PFKL: variants seen among roughly 807,000 people sequenced by gnomAD.
The protein encoded by PFKL is ATP-dependent 6-phosphofructokinase, liver type.
A neutral mutation model predicts 92.1 loss-of-function variants in PFKL; 74 were observed. That is an observed-to-expected ratio of 0.80 (90% confidence interval 0.67 to 0.97). The LOEUF (loss-of-function observed/expected upper bound fraction) is 0.97, where lower values mean the gene tolerates loss of function less well. Among genes scored for constraint, PFKL ranks in the 50% least tolerant of loss-of-function variants. PFKL has a pLI of 0.00. For synonymous variants in PFKL, 494 were observed against 456.4 expected (o/e 1.08, Z -1.05); for missense variants, 1,028 against 1,116.6 (o/e 0.92, Z 1.13).
chr21:44,300,176 G>A lies in PFKL; in HGVS notation c.71G>A (p.Gly24Asp). The change falls in exon 1 of 22, where the codon GGC becomes GAC. Residue 24 changes from glycine to aspartate, a missense_variant. Physicochemically the swap from Gly to Asp is moderately conservative, Grantham distance 94. Coordinates refer to ENST00000349048, the MANE Select transcript of PFKL (RefSeq NM_002626.6). ...AGKAIGVLTS[G>D]GDAQGMNAAV... ...AAGGCCATCGGCGTCCTGACCAGCG[G>A]CGGCGACGCGCAAGGTGGGCGGGGG... The A allele has an allele frequency of 6.1e-6, 7 of 1,154,860 alleles. No homozygotes were observed. Among genetic ancestry groups the A allele is most frequent in the Non-Finnish European group, 7.5e-6 (7 of 929,682 alleles). The allele number at this position is 1,154,860 out of a possible 1,614,324, so 71.5% of individuals were successfully genotyped here.
Position 44,316,501 on chromosome 21 carries a change from C to T in PFKL, c.913C>T (p.Pro305Ser). 1 of 1,603,452 alleles carries T rather than the reference C, an allele frequency of 6.2e-7. No individual in the cohort carries two copies. The highest frequency in any genetic ancestry group is 1.3e-5 in the African/African-American group (1 of 74,888). The change falls in exon 9 of 22, where the codon CCC becomes TCC. Residue 305 changes from proline (P) to serine (S), a missense_variant. Coordinates refer to ENST00000349048, the MANE Select transcript of PFKL (RefSeq NM_002626.6). ...VLGHVQRGGT[P>S]SAFDRILSSK... is the part of the protein sequence containing the mutation. ...GGGCCACGTGCAGCGGGGAGGGACGCCCTCTGCCTTCGACCGGATCCTGGT... is the reference window on the plus strand; with the variant it reads ...GGGCCACGTGCAGCGGGGAGGGACGTCCTCTGCCTTCGACCGGATCCTGGT...
At chr21:44,301,107 AC>A (rs896504757) in intron 1 of PFKL, among the ~76,000 whole-genome samples, 3 of 151,874 alleles carry the variant, frequency 2.0e-5, no homozygotes, top group Admixed American at 2.0e-4. Flanking sequence ...GCGGACACAC[AC>A]CCCCACCCAG....
chr21:44,308,425 G>A (rs1383864765), intron 2 of PFKL, among the ~76,000 whole-genome samples: 5 of 152,174 alleles, frequency 3.3e-5, no homozygotes, highest in Non-Finnish European at 4.4e-5. Context: ...ATCCACTTGC[G>A]AAAAGCGGAT....
At chr21:44,321,705 G>A (rs764790562) in intron 12 of PFKL, 24 bp from the exon 13 acceptor site, 15 of 1,521,908 alleles carry the variant, frequency 9.9e-6, no homozygotes, top group East Asian at 4.7e-5. Flanking sequence ...TGTGCCTCAC[G>A]CTCATCTCCC....
At chr21:44,320,016 C>T (rs1004359711) in intron 11 of PFKL, 68 bp from the exon 12 acceptor site, 17 of 1,443,912 alleles carry the variant, frequency 1.2e-5, no homozygotes, top group Middle Eastern at 1.8e-4. Flanking sequence ...GGCTCTGTCA[C>T]GGCTGCGCTG....
intron 5 of PFKL, 39 bp from the exon 6 acceptor site, chr21:44,313,599 T>C: frequency 6.3e-7 from 1 of 1,595,348 alleles, no homozygotes; most frequent in Admixed American, 1.7e-5. Flanking sequence ...CAGGGCCGTG[T>C]GGCTGGCACT....
intron 14 of PFKL, 76 bp from the exon 15 acceptor site, chr21:44,322,886 C>T (rs1196830569): frequency 1.1e-5 from 12 of 1,091,722 alleles, no homozygotes; most frequent in Middle Eastern, 5.9e-4. Flanking sequence ...AAGGCAATGC[C>T]TTTCTGTGAT....
At chr21:44,306,837 C>A in intron 2 of PFKL, 83 bp downstream of exon 2, 1 of 1,243,982 alleles carries the variant, frequency 8.0e-7, no homozygotes, top group Non-Finnish European at 1.2e-6. Flanking sequence ...GTGGGTCACA[C>A]TGGGAGACGG....
At chr21:44,324,040 G>A (rs2047429826) in intron 16 of PFKL, 122 bp downstream of exon 16, 1 of 1,163,032 alleles carries the variant, frequency 8.6e-7, no homozygotes, top group Admixed American at 2.0e-5. Context: ...CAGGGTTGGG[G>A]TTTGTGGGGC....
chr21:44,318,701 G>A (rs2145993457), intron 10 of PFKL, 106 bp downstream of exon 10: 2 of 1,070,678 alleles, frequency 1.9e-6, no homozygotes, highest in South Asian at 5.4e-5. Context: ...GCACCGGAGG[G>A]CAGGGCCTCG....
At position 44,307,336 on chromosome 21, in the gene PFKL, C is replaced by T. The variant is rs1423009526; in HGVS notation, c.159+582C>T. The T allele has an allele frequency of 4.1e-6, 4 of 984,028 alleles. No individual in the cohort carries two copies. In the Admixed American group the frequency reaches 1.8e-4, roughly 45 times the overall value. 61.0% of individuals were successfully genotyped at this position (984,028 alleles called of 1,614,324 possible). On this transcript the variant is annotated intron_variant, in intron 2 of 21. Transcript: ENST00000349048. ...GCTCGCCCTCCGTCCTGGGTATTTA[C>T]ACACCCACACTTGCGCTCACACATG...
Position 44,323,042 on chromosome 21 carries a change from G to T in PFKL, c.1490G>T (p.Gly497Val), listed in dbSNP as rs1274827905. 1.2e-5 allele frequency: 20 copies of T among 1,612,766 alleles called. No individual in the cohort carries two copies. Among genetic ancestry groups the T allele is most frequent in the Non-Finnish European group, 1.6e-5 (19 of 1,179,442 alleles). ...ATTCACGCCCTGCTGGTGGTCGGTG[G>T]GTTTGAGGTGAGAGCTGCCCACGGA... ...YGIHALLVVG[G>V]FEAYEGVLQL... Residue 497 changes from glycine (G) to valine (V), a missense_variant, in exon 15 of 22, where the codon GGG (glycine) becomes GTG (valine). Physicochemically the swap from Gly to Val is moderately radical, Grantham distance 109. Coordinates refer to ENST00000349048, the MANE Select transcript of PFKL (RefSeq NM_002626.6).
intron 1 of PFKL, chr21:44,305,556 G>A (rs2040910409): frequency 3.5e-6 from 3 of 856,166 alleles, no homozygotes; most frequent in Non-Finnish European, 3.3e-6. Context: ...GGCAGGAAGA[G>A]CAGGGCTGGT....
Position 44,318,571 on chromosome 21 carries a change from G to T in PFKL, c.1038G>T (p.Leu346=). ...TCTCGGGGAACCAGTCAGTGCGGCTGCCCCTCATGGAGTGCGTGCAGATGG... is the reference window on the plus strand; with the variant it reads ...TCTCGGGGAACCAGTCAGTGCGGCTTCCCCTCATGGAGTGCGTGCAGATGG... ...VTLSGNQSVR[L]PLMECVQMTK... Residue 346 remains leucine (L), a synonymous_variant, in exon 10 of 22, where the codon CTG becomes CTT. Coordinates refer to ENST00000349048, the MANE Select transcript of PFKL (RefSeq NM_002626.6). The T allele has an allele frequency of 6.5e-7, 1 of 1,547,952 alleles. No homozygotes were observed. Among genetic ancestry groups the T allele is most frequent in the Non-Finnish European group, 8.8e-7 (1 of 1,138,572 alleles).
At chr21:44,323,712 G>A in intron 15 of PFKL, 54 bp from the exon 16 acceptor site, 5 of 1,562,250 alleles carry the variant, frequency 3.2e-6, no homozygotes, top group Non-Finnish European at 4.3e-6. Flanking sequence ...GCCTGTCCCC[G>A]GCCCACCCTG....
At position 44,313,622 on chromosome 21, in the gene PFKL, T is replaced by C. The variant is rs2146464725; in HGVS notation, c.594-16T>C. 3 of 1,609,882 alleles carry C rather than the reference T, an allele frequency of 1.9e-6. No individual in the cohort carries two copies. The highest frequency in any genetic ancestry group is 2.5e-6 in the Non-Finnish European group (3 of 1,178,720). ...TGTGGCTGGCACTGATGCATCCTCC[T>C]GTTCCATCTCCACAGCCACCAGAGG... On this transcript the variant is annotated splice_polypyrimidine_tract_variant and intron_variant, in intron 5 of 21. Transcript: ENST00000349048.
rs532014773 is a variant in PFKL at position 44,326,879 on chromosome 21, G to A, written c.*17G>A. 8.0e-5 allele frequency: 128 copies of A among 1,593,964 alleles called. 2 individuals are homozygous for A. In the Admixed American group the frequency reaches 8.2e-4, roughly 10 times the overall value. On this transcript the variant is annotated 3_prime_UTR_variant, in exon 22 of 22. Transcript: ENST00000349048. ...GGCTTCTGAGGCCAGCCATGCCCACGCCCCTCCCCAGCCCCCACCCATGCC... is the reference window on the plus strand; with the variant it reads ...GGCTTCTGAGGCCAGCCATGCCCACACCCCTCCCCAGCCCCCACCCATGCC...
intron 16 of PFKL, 63 bp from the exon 17 acceptor site, chr21:44,324,428 T>G (rs1350132646): frequency 2.6e-6 from 4 of 1,564,466 alleles, no homozygotes; most frequent in Middle Eastern, 1.7e-4. Flanking sequence ...AGGGTAGCCA[T>G]GCCGACGGCC....
intron 1 of PFKL, chr21:44,305,373 C>T: frequency 7.3e-7 from 1 of 1,365,274 alleles, no homozygotes; most frequent in Non-Finnish European, 9.8e-7. Flanking sequence ...TGGGGGTCTC[C>T]ATGTTCAAGG....
Sources: allele counts gnomAD v4.1 joint callset (sites outside exome capture counted in the v4.1 genomes callset), GRCh38; gene constraint gnomAD v4.1.1; transcripts MANE v1.5; gene names NCBI Gene and HGNC (gene_info 2026-07-23, HGNC 2026-07-21).